The following SLC8A3 variants were observed in gnomAD, a reference collection of about 807,000 sequenced individuals.
The protein encoded by SLC8A3 is sodium/calcium exchanger 3.
SLC8A3 carries 37 observed loss-of-function variants against 65.4 expected under a neutral mutation model. The observed-to-expected ratio is 0.57, with a 90% CI of 0.44 to 0.74. The LOEUF (loss-of-function observed/expected upper bound fraction) is 0.74. Ranked by LOEUF, SLC8A3 falls within the 30% of genes least tolerant of loss-of-function variation. The probability of loss-of-function intolerance (pLI) is 0.00; values close to 1 mark genes in which losing one functional copy is unlikely to be tolerated. For missense variants in SLC8A3, 1,112 were observed against 1,172.1 expected (o/e 0.95, Z 0.75); for synonymous variants, 461 against 444.5 (o/e 1.04, Z -0.47).
intron 2 of SLC8A3, among the ~76,000 whole-genome samples, chr14:70,139,243 C>T (rs1171189995): frequency 6.6e-6 from 1 of 152,120 alleles, no homozygotes; most frequent in African/African-American, 2.4e-5. Context: ...TCTCTCCCTC[C>T]TTTCATGAGG....
chr14:70,069,526 T>C (rs1382026935), intron 2 of SLC8A3, among the ~76,000 whole-genome samples: 5 of 152,192 alleles, frequency 3.3e-5, no homozygotes, highest in Non-Finnish European at 7.4e-5. Flanking sequence ...CTGCGAACCT[T>C]TCCATGGGAG....
intron 1 of SLC8A3, among the ~76,000 whole-genome samples, chr14:70,169,691 T>TGGG (rs11291451): frequency 1.4e-4 from 15 of 103,558 alleles, no homozygotes; most frequent in South Asian, 1.2e-3. Flanking sequence ...AAAAAAAAAG[T>TGGG]GGGGGGGGGG....
At chr14:70,117,994 C>T (rs1893778291) in intron 2 of SLC8A3, among the ~76,000 whole-genome samples, 1 of 152,218 alleles carries the variant, frequency 6.6e-6, no homozygotes. Context: ...GACCCTGGTG[C>T]TTCCCCATTG....
intron 2 of SLC8A3, among the ~76,000 whole-genome samples, chr14:70,090,987 A>G (rs1174777209): frequency 1.3e-5 from 2 of 152,228 alleles, no homozygotes; most frequent in African/African-American, 2.4e-5. Flanking sequence ...CTAAAGGTCC[A>G]TGGAGTGCCA....
chr14:70,124,911 G>A (rs1252028373), intron 2 of SLC8A3, among the ~76,000 whole-genome samples: 1 of 152,244 alleles, frequency 6.6e-6, no homozygotes, highest in Non-Finnish European at 1.5e-5. Flanking sequence ...GAAGAGGGAT[G>A]AGGGTTGGAA....
chr14:70,052,495 C>T (rs1887621176), intron 3 of SLC8A3, among the ~76,000 whole-genome samples: 1 of 152,210 alleles, frequency 6.6e-6, no homozygotes, highest in Non-Finnish European at 1.5e-5. Flanking sequence ...TCAACCACTT[C>T]CTGTAAGAGT....
rs186041625 is a variant in SLC8A3, at chr14:70,095,969, C to A, written c.1785-35030G>T. ...CAATCTCTGCTCACTGCAACCTCCACCTCCCGGGTTCAAGCAAGTATCCTG... is the reference window on the plus strand; with the variant it reads ...CAATCTCTGCTCACTGCAACCTCCAACTCCCGGGTTCAAGCAAGTATCCTG... On this transcript the variant is annotated intron_variant, in intron 2 of 6. Coordinates refer to ENST00000356921, the MANE Select transcript of SLC8A3 (RefSeq NM_182932.3). 1.7e-3 allele frequency among the ~76,000 whole-genome samples: 259 copies of A among 152,198 alleles called. 1 individual carries two copies. The highest frequency in any genetic ancestry group is 2.8e-3 in the Non-Finnish European group (188 of 67,998).
chr14:70,141,672 C>T lies in SLC8A3; in HGVS notation c.1784+24967G>A, dbSNP rs374776558. ...TTACACTTGTCAACAAAACAAGCTC[C>T]CCTCAGACTTAGTGGGAAGAGTGGT... On this transcript the variant is annotated intron_variant, in intron 2 of 6. Transcript: ENST00000356921. Among the ~76,000 whole-genome samples the T allele has an allele frequency of 3.3e-5, 5 of 152,258 alleles. No individual in the cohort carries two copies. The South Asian group carries it at 8.3e-4, about 25-fold the overall frequency.
chr14:70,153,258 T>C (rs1896380396), intron 2 of SLC8A3, among the ~76,000 whole-genome samples: 1 of 149,154 alleles, frequency 6.7e-6, no homozygotes, highest in African/African-American at 2.4e-5. Context: ...AGGCATAAAT[T>C]GTGTCCTGGT....
At chr14:70,048,661 G>T in intron 6 of SLC8A3, 106 bp downstream of exon 6, 1 of 1,003,722 alleles carries the variant, frequency 1.0e-6, no homozygotes, top group Non-Finnish European at 1.5e-6. Flanking sequence ...CAGAGGCTCT[G>T]TTAAGTTCAG....
Position 70,045,749 on chromosome 14 carries a change from G to T in SLC8A3, c.*198C>A. On this transcript the variant is annotated 3_prime_UTR_variant, in exon 7 of 7. Coordinates refer to ENST00000356921, the MANE Select transcript of SLC8A3 (RefSeq NM_182932.3). ...CAATTAAATACTGTGTAAAGTCGGT[G>T]ATTCCTCCATTGTTTGATTGATTAA... 1 of 522,522 alleles carries T rather than the reference G, an allele frequency of 1.9e-6. No individual in the cohort carries two copies. The highest frequency in any genetic ancestry group is 3.4e-6 in the Non-Finnish European group (1 of 294,612). The allele number at this position is 522,522 out of a possible 1,614,324, so 32.4% of individuals were successfully genotyped here.
intron 3 of SLC8A3, among the ~76,000 whole-genome samples, chr14:70,056,623 CT>C (rs1888147597): frequency 6.6e-6 from 1 of 152,124 alleles, no homozygotes; most frequent in Non-Finnish European, 1.5e-5. Context: ...TGTTTGCTGT[CT>C]ATTTTGGCAA....
At chr14:70,163,217 A>C (rs1036187702) in intron 2 of SLC8A3, among the ~76,000 whole-genome samples, 1 of 152,236 alleles carries the variant, frequency 6.6e-6, no homozygotes, top group African/African-American at 2.4e-5. Context: ...TGAAGGATAG[A>C]GAATATTATT....
chr14:70,162,583 C>A (rs1032710145), intron 2 of SLC8A3, among the ~76,000 whole-genome samples: 1 of 152,188 alleles, frequency 6.6e-6, no homozygotes, highest in African/African-American at 2.4e-5. Context: ...GGTCCAAGAG[C>A]TGCAATAATC....
At chr14:70,104,186 T>C (rs1407995105) in intron 2 of SLC8A3, among the ~76,000 whole-genome samples, 7 of 152,120 alleles carry the variant, frequency 4.6e-5, no homozygotes, top group Admixed American at 3.9e-4. Flanking sequence ...ATCATAGCTG[T>C]AGGTTGTTAA....
intron 1 of SLC8A3, chr14:70,187,215 C>T (rs1883319973): frequency 6.5e-6 from 1 of 153,092 alleles, no homozygotes; most frequent in South Asian, 2.1e-4. Flanking sequence ...GAGACCTAAC[C>T]GCCGAATGCG....
intron 2 of SLC8A3, among the ~76,000 whole-genome samples, chr14:70,092,229 G>A (rs1159831264): frequency 6.6e-6 from 1 of 152,076 alleles, no homozygotes; most frequent in East Asian, 1.9e-4. Context: ...TTATGTGATT[G>A]TTTCTGTCTC....
At chr14:70,137,815 A>G (rs1895306643) in intron 2 of SLC8A3, among the ~76,000 whole-genome samples, 1 of 143,572 alleles carries the variant, frequency 7.0e-6, no homozygotes, top group Non-Finnish European at 1.5e-5. Flanking sequence ...TAATTTGGAA[A>G]TCTCCCAGCA....
At chr14:70,171,326 G>A (rs573391355) in intron 1 of SLC8A3, among the ~76,000 whole-genome samples, 9 of 152,286 alleles carry the variant, frequency 5.9e-5, no homozygotes, top group East Asian at 1.9e-4. Context: ...ACTTGGAGTC[G>A]TATTTATCTT....
Sources: allele counts gnomAD v4.1 joint callset (sites outside exome capture counted in the v4.1 genomes callset), GRCh38; gene constraint gnomAD v4.1.1; transcripts MANE v1.5; gene names NCBI Gene and HGNC (gene_info 2026-07-23, HGNC 2026-07-21).